The following CDC73 variants were observed in gnomAD, a reference collection of about 807,000 sequenced individuals.
CDC73 encodes the protein parafibromin.
CDC73 carries 21 observed loss-of-function variants against 83.7 expected under a neutral mutation model. The ratio of observed to expected loss-of-function variants is 0.25; its 90% CI spans 0.18 to 0.36. The LOEUF is 0.36. Among genes scored for constraint, CDC73 ranks in the 10% least tolerant of loss-of-function variants. CDC73 has a pLI of 1.00. For missense variants in CDC73, 342 were observed against 653.3 expected, an observed-to-expected ratio of 0.52 and a Z score of 5.19; for synonymous variants, 224 against 212.9, an observed-to-expected ratio of 1.05 and a Z score of -0.45.
At chr1:193,180,136 T>A in intron 10 of CDC73, 1 of 645,506 alleles carries the variant, frequency 1.5e-6, no homozygotes, top group South Asian at 3.6e-5. Context: ...ATGTTATAGT[T>A]TTAAGAATTA....
chr1:193,222,624 T>G (rs1339204078), intron 13 of CDC73, among the ~76,000 whole-genome samples: 4 of 152,226 alleles, frequency 2.6e-5, no homozygotes, highest in Non-Finnish European at 5.9e-5. Context: ...TCATTTTAAA[T>G]TTATCTGCTG....
intron 13 of CDC73, among the ~76,000 whole-genome samples, chr1:193,223,012 A>G (rs1297647640): frequency 6.6e-6 from 1 of 152,068 alleles, no homozygotes; most frequent in Admixed American, 6.5e-5. Flanking sequence ...AACTTCAGAT[A>G]TTTTATATTT....
Position 193,254,694 on chromosome 1 carries a change from G to A in CDC73, c.*3982G>A, listed in dbSNP as rs1249709184. On this transcript the variant is annotated 3_prime_UTR_variant, in exon 17 of 17. Coordinates refer to ENST00000367435, the MANE Select transcript of CDC73 (RefSeq NM_024529.5). ...TTTTGGGTTTCTGTGTATTATTTTA[G>A]GTAATCTTTATAAGGGCATCTTGGA... 6.6e-6 allele frequency among the ~76,000 whole-genome samples: 1 copy of A among 152,000 alleles called. No individual in the cohort carries two copies. The highest frequency in any genetic ancestry group is 1.5e-5 in the Non-Finnish European group (1 of 67,972).
intron 11 of CDC73, among the ~76,000 whole-genome samples, chr1:193,206,535 T>G (rs1314488996): frequency 2.0e-5 from 3 of 152,244 alleles, no homozygotes; most frequent in Admixed American, 6.5e-5. Flanking sequence ...ATGCATCTGC[T>G]TATGGGGTGT....
intron 10 of CDC73, among the ~76,000 whole-genome samples, chr1:193,202,954 C>A (rs1250625299): frequency 6.6e-6 from 1 of 151,774 alleles, no homozygotes; most frequent in Non-Finnish European, 1.5e-5. Context: ...TATTTATGTA[C>A]CTCCCCTGAT....
chr1:193,122,939 C>T (rs909791759), intron 1 of CDC73, among the ~76,000 whole-genome samples: 1 of 152,136 alleles, frequency 6.6e-6, no homozygotes, highest in Non-Finnish European at 1.5e-5. Context: ...GTGAGCTTTA[C>T]AGATCTAAGA....
intron 14 of CDC73, among the ~76,000 whole-genome samples, chr1:193,233,573 A>G (rs1210208653): frequency 6.6e-6 from 1 of 152,240 alleles, no homozygotes; most frequent in Non-Finnish European, 1.5e-5. Context: ...TTTTACTTAT[A>G]AGAAGAAACA....
chr1:193,237,664 G>C (rs1203702343), intron 15 of CDC73, among the ~76,000 whole-genome samples: 1 of 152,130 alleles, frequency 6.6e-6, no homozygotes, highest in Non-Finnish European at 1.5e-5. Flanking sequence ...TTACCCACAA[G>C]TGTGTTGACT....
intron 15 of CDC73, among the ~76,000 whole-genome samples, chr1:193,239,772 G>A (rs376390025): frequency 4.4e-4 from 67 of 152,184 alleles, no homozygotes; most frequent in African/African-American, 1.5e-3. Context: ...TCTTCTAGCT[G>A]TTTAGAAATA....
chr1:193,211,053 C>T (rs899282676), intron 11 of CDC73, among the ~76,000 whole-genome samples: 32 of 152,082 alleles, frequency 2.1e-4, no homozygotes, highest in South Asian at 2.1e-4. Context: ...TTTCTTGTCT[C>T]GCTCTTCTCT....
At chr1:193,212,523 C>T in intron 13 of CDC73, 46 bp downstream of exon 13, 1 of 1,231,962 alleles carries the variant, frequency 8.1e-7, no homozygotes, top group Non-Finnish European at 1.2e-6. Context: ...ATTGAGATAC[C>T]ATTGGAAAAT....
chr1:193,210,623 T>TCAC (rs1677262552), intron 11 of CDC73, among the ~76,000 whole-genome samples: 1 of 152,182 alleles, frequency 6.6e-6, no homozygotes, highest in Admixed American at 6.5e-5. Context: ...GCTCAGTGGC[T>TCAC]CACCTGTGTA....
At chr1:193,185,220 AC>A (rs1676785155) in intron 10 of CDC73, among the ~76,000 whole-genome samples, 1 of 152,078 alleles carries the variant, frequency 6.6e-6, no homozygotes, top group Non-Finnish European at 1.5e-5. Context: ...ATAATCAGAG[AC>A]AACGTTAAAT....
At chr1:193,193,321 G>T (rs1676949123) in intron 10 of CDC73, among the ~76,000 whole-genome samples, 1 of 152,134 alleles carries the variant, frequency 6.6e-6, no homozygotes, top group Non-Finnish European at 1.5e-5. Flanking sequence ...TAGCCTTGAT[G>T]GATACATAGA....
chr1:193,187,345 GTAC>G (rs1676831985), intron 10 of CDC73, among the ~76,000 whole-genome samples: 3 of 151,974 alleles, frequency 2.0e-5, no homozygotes, highest in Admixed American at 1.3e-4. Context: ...TAGCACACTT[GTAC>G]AGGATCTGGG....
intron 11 of CDC73, 79 bp from the exon 12 acceptor site, chr1:193,211,986 A>C: frequency 9.0e-7 from 1 of 1,114,536 alleles, no homozygotes; most frequent in South Asian, 1.4e-5. Flanking sequence ...TAATTTAAAA[A>C]ATATCCCTTA....
chr1:193,148,004 G>A, intron 8 of CDC73, 39 bp downstream of exon 8: 1 of 1,338,148 alleles, frequency 7.5e-7, no homozygotes, highest in Non-Finnish European at 1.1e-6. Context: ...ATTTAATGAA[G>A]TTGCCACTTA....
intron 10 of CDC73, 29 bp from the exon 11 acceptor site, chr1:193,203,766 C>A (rs1285849741): frequency 1.3e-6 from 2 of 1,552,538 alleles, no homozygotes; most frequent in South Asian, 2.2e-5. Flanking sequence ...AAACTTTGAT[C>A]TTATATATCA....
At chr1:193,136,603 C>A in intron 5 of CDC73, 1 of 209,314 alleles carries the variant, frequency 4.8e-6, no homozygotes. Context: ...GAGTGAGTTC[C>A]TGAGGTTTGA....
Sources: gnomAD v4.1 joint callset for allele counts (sites outside exome capture counted in the v4.1 genomes callset) on GRCh38, gnomAD v4.1.1 for gene constraint, MANE v1.5 for transcripts, NCBI Gene and HGNC (gene_info 2026-07-23, HGNC 2026-07-21) for gene names.